Variants in NRXN1 observed in about 807,000 individuals in gnomAD.
NRXN1 encodes neurexin 1, also known as neurexin-1.
Under a neutral mutation model 150.9 loss-of-function variants are expected in NRXN1, and 39 were observed. That is an observed-to-expected ratio of 0.26 (90% confidence interval 0.20 to 0.34). The LOEUF (loss-of-function observed/expected upper bound fraction) is 0.34. NRXN1 is among the 10% of genes least tolerant of loss of function. The pLI is 1.00. For synonymous variants in NRXN1, 924 were observed against 757.0 expected, an observed-to-expected ratio of 1.22 and a Z score of -3.62; for missense variants, 1,815 against 1,949.9, an observed-to-expected ratio of 0.93 and a Z score of 1.30.
rs1028796139 is a variant in NRXN1 at position 50,292,573 on chromosome 2, G to T, written c.3365-55603C>A. On this transcript the variant is annotated intron_variant, in intron 17 of 22. Coordinates refer to ENST00000401669, the MANE Select transcript of NRXN1 (RefSeq NM_001330078.2). ...TTAAGAAAAGCATGCAAGAGCTCTGGGTGGGCTAAGCAAGGATCAAGACTA... is the reference window on the plus strand; with the variant it reads ...TTAAGAAAAGCATGCAAGAGCTCTGTGTGGGCTAAGCAAGGATCAAGACTA... Among the ~76,000 whole-genome samples, 7 of 152,086 alleles carry T rather than the reference G, an allele frequency of 4.6e-5. No homozygotes were observed. In the South Asian group the frequency reaches 1.5e-3, roughly 32 times the overall value.
At chr2:50,671,468 A>T (rs1688836539) in intron 5 of NRXN1, among the ~76,000 whole-genome samples, 1 of 151,670 alleles carries the variant, frequency 6.6e-6, no homozygotes, top group African/African-American at 2.4e-5. Context: ...ATCATGTTCA[A>T]ATCATTTTTC....
chr2:50,058,567 T>C (rs989940923), intron 19 of NRXN1, among the ~76,000 whole-genome samples: 15 of 152,182 alleles, frequency 9.9e-5, no homozygotes, highest in African/African-American at 3.6e-4. Flanking sequence ...TGTTCTCCTA[T>C]TAGAATAAAA....
At chr2:51,020,646 T>C (rs1669460990) in intron 2 of NRXN1, among the ~76,000 whole-genome samples, 1 of 151,966 alleles carries the variant, frequency 6.6e-6, no homozygotes, top group Non-Finnish European at 1.5e-5. Context: ...TGAAGTAGGC[T>C]GGCATTAGTT....
chr2:50,559,444 G>C (rs1668727312), intron 8 of NRXN1, among the ~76,000 whole-genome samples: 2 of 152,138 alleles, frequency 1.3e-5, no homozygotes, highest in Non-Finnish European at 2.9e-5. Flanking sequence ...TGCTATGGTA[G>C]GATCAATCAA....
intron 8 of NRXN1, among the ~76,000 whole-genome samples, chr2:50,608,696 TG>T (rs971497191): frequency 1.3e-5 from 2 of 152,122 alleles, no homozygotes; most frequent in African/African-American, 2.4e-5. Context: ...CTGGATACCT[TG>T]GGGAAGAAAA....
At chr2:50,927,297 A>C (rs570936877) in intron 2 of NRXN1, among the ~76,000 whole-genome samples, 7 of 152,154 alleles carry the variant, frequency 4.6e-5, no homozygotes, top group African/African-American at 1.7e-4. Context: ...CTGAAAATTG[A>C]AGTATCAACA....
intron 9 of NRXN1, among the ~76,000 whole-genome samples, chr2:50,543,318 A>C (rs1410502914): frequency 6.6e-6 from 1 of 152,086 alleles, no homozygotes; most frequent in African/African-American, 2.4e-5. Context: ...AATTGGGGAA[A>C]AGTTCATATT....
rs184251087 is a variant in NRXN1 at position 50,835,137 on chromosome 2, T to G, written c.832+86732A>C. Among the ~76,000 whole-genome samples, 47 of 152,264 alleles carry G rather than the reference T, an allele frequency of 3.1e-4. 1 individual carries two copies. The highest frequency in any genetic ancestry group is 1.0e-3 in the African/African-American group (43 of 41,550). Reference sequence around the variant, plus strand: ...GATGGGATGTCTTCTACCTCGTAGGTTCACCTTCCCTGTAATTTCTGTAAT... The same window carrying G: ...GATGGGATGTCTTCTACCTCGTAGGGTCACCTTCCCTGTAATTTCTGTAAT... On this transcript the variant is annotated intron_variant, in intron 5 of 22. Transcript: ENST00000401669.
chr2:50,529,452 G>A (rs759852122), intron 11 of NRXN1, among the ~76,000 whole-genome samples: 4 of 152,102 alleles, frequency 2.6e-5, no homozygotes, highest in Non-Finnish European at 5.9e-5. Flanking sequence ...AGAACAGAAC[G>A]TCTTGTATGG....
intron 18 of NRXN1, among the ~76,000 whole-genome samples, chr2:50,149,743 C>G (rs888547412): frequency 2.0e-5 from 3 of 151,588 alleles, no homozygotes. Context: ...ATAATAAACA[C>G]CAAAAATGTT....
At chr2:50,264,804 C>T (rs648078) in intron 17 of NRXN1, among the ~76,000 whole-genome samples, 66,619 of 151,802 alleles carry the variant, frequency 0.44, 14,924 homozygotes, top group African/African-American at 0.49. Flanking sequence ...GCCTCTGTCT[C>T]TTGGAGACAA....
chr2:50,623,629 G>A lies in NRXN1; in HGVS notation c.833-14C>T, dbSNP rs761450535. ...ATTCTTCTTTTCCTAGAGGAAAACAGATGATACATACATAAGTAAACAAAT... is the reference window on the plus strand; with the variant it reads ...ATTCTTCTTTTCCTAGAGGAAAACAAATGATACATACATAAGTAAACAAAT... On this transcript the variant is annotated splice_polypyrimidine_tract_variant and intron_variant, in intron 5 of 22. Transcript: ENST00000401669. 1.3e-6 allele frequency: 2 copies of A among 1,584,474 alleles called. No homozygotes were observed. Among genetic ancestry groups the A allele is most frequent in the Non-Finnish European group, 1.7e-6 (2 of 1,156,426 alleles).
In NRXN1 at chr2:50,176,466, G is replaced by C. The variant is rs116124653; in HGVS notation, c.3546+60323C>G. 9.8e-3 allele frequency among the ~76,000 whole-genome samples: 1,486 copies of C among 152,092 alleles called. 27 individuals carry two copies. The highest frequency in any genetic ancestry group is 0.034 in the African/African-American group (1,409 of 41,500). On this transcript the variant is annotated intron_variant, in intron 18 of 22. Coordinates refer to ENST00000401669, the MANE Select transcript of NRXN1 (RefSeq NM_001330078.2). ...AGTGTTTAATGGCATGCCTGGCCTC[G>C]ACTCATTAGATGCCTGTTATCACCT...
chr2:50,563,882 G>T (rs1669478534), intron 8 of NRXN1, among the ~76,000 whole-genome samples: 2 of 152,036 alleles, frequency 1.3e-5, no homozygotes, highest in Admixed American at 6.6e-5. Flanking sequence ...TGCCTTTACT[G>T]CTCAACTGCA....
intron 22 of NRXN1, among the ~76,000 whole-genome samples, chr2:49,932,016 C>A (rs1670210284): frequency 6.6e-6 from 1 of 152,044 alleles, no homozygotes; most frequent in South Asian, 2.1e-4. Context: ...TATAGTAAGA[C>A]AAAAATGGCA....
rs114831063 is a variant in NRXN1, at chr2:50,104,320, G to A, written c.3547-12826C>T. ...ATCATAGCAAGAAATATACTGTTGT[G>A]ATCTTGCATTCCATTTATACACTTC... On this transcript the variant is annotated intron_variant, in intron 18 of 22. Coordinates refer to ENST00000401669, the MANE Select transcript of NRXN1 (RefSeq NM_001330078.2). Among the ~76,000 whole-genome samples, 763 of 152,118 alleles carry A rather than the reference G, an allele frequency of 5.0e-3. 10 individuals are homozygous for A. Among genetic ancestry groups the A allele is most frequent in the Middle Eastern group, 6.8e-3 (2 of 294 alleles).
chr2:51,012,840 G>C (rs1366478919), intron 2 of NRXN1, among the ~76,000 whole-genome samples: 1 of 151,980 alleles, frequency 6.6e-6, no homozygotes, highest in African/African-American at 2.4e-5. Flanking sequence ...CATTTTGTGA[G>C]TACTATAATT....
intron 17 of NRXN1, 51 bp from the exon 18 acceptor site, chr2:50,237,021 A>C: frequency 6.5e-7 from 1 of 1,549,228 alleles, no homozygotes; most frequent in Non-Finnish European, 8.9e-7. Context: ...AAGTCTGCAC[A>C]TTAGCAAGGC....
At chr2:50,769,792 A>G (rs965162595) in intron 5 of NRXN1, among the ~76,000 whole-genome samples, 2 of 152,158 alleles carry the variant, frequency 1.3e-5, no homozygotes, top group African/African-American at 4.8e-5. Context: ...GCTTTGGGGA[A>G]GAAATGGGAA....
Sources: allele counts gnomAD v4.1 joint callset (sites outside exome capture counted in the v4.1 genomes callset), GRCh38; gene constraint gnomAD v4.1.1; transcripts MANE v1.5; gene names NCBI Gene and HGNC (gene_info 2026-07-23, HGNC 2026-07-21).